The following TRAPPC9 variants were observed in gnomAD, a reference collection of about 807,000 sequenced individuals.
TRAPPC9 encodes the protein IKK2 binding protein.
In TRAPPC9, 83 loss-of-function variants were observed where a neutral mutation model predicts 124.0. The ratio of observed to expected loss-of-function variants is 0.67; its 90% CI spans 0.56 to 0.80. The LOEUF is 0.80. Among genes scored for constraint, TRAPPC9 ranks in the 30% least tolerant of loss-of-function variants. The pLI, the probability that TRAPPC9 is intolerant of heterozygous loss-of-function variation, is 0.00. For synonymous variants in TRAPPC9, 638 were observed against 617.5 expected, an observed-to-expected ratio of 1.03 and a Z score of -0.49; for missense variants, 1,302 against 1,508.3, an observed-to-expected ratio of 0.86 and a Z score of 2.27.
intron 21 of TRAPPC9, among the ~76,000 whole-genome samples, chr8:139,873,810 A>G (rs555924555): frequency 6.6e-6 from 1 of 152,326 alleles, no homozygotes; most frequent in East Asian, 1.9e-4. Flanking sequence ...TGGCTCAGAA[A>G]GATGTAGCCC....
intron 17 of TRAPPC9, among the ~76,000 whole-genome samples, chr8:140,066,401 T>C (rs1027484680): frequency 1.7e-4 from 26 of 152,178 alleles, no homozygotes; most frequent in Non-Finnish European, 2.5e-4. Flanking sequence ...GTGAGCTCCT[T>C]AAGAATGGCG....
intron 19 of TRAPPC9, among the ~76,000 whole-genome samples, chr8:139,988,206 G>A (rs1317727468): frequency 5.3e-5 from 8 of 149,774 alleles, no homozygotes; most frequent in African/African-American, 1.5e-4. Context: ...TCTGCTTCCC[G>A]GGTTCAAGCG....
intron 13 of TRAPPC9, 41 bp downstream of exon 13, chr8:140,287,567 C>G: frequency 6.2e-7 from 1 of 1,613,368 alleles, no homozygotes; most frequent in Non-Finnish European, 8.5e-7. Context: ...AAGGGTTCAG[C>G]AGACCCTCCT....
chr8:140,439,942 T>C (rs1191655048), intron 2 of TRAPPC9, among the ~76,000 whole-genome samples: 1 of 152,208 alleles, frequency 6.6e-6, no homozygotes, highest in African/African-American at 2.4e-5. Context: ...AAAACTCCTC[T>C]GGAAATCCAG....
At chr8:139,832,307 C>G (rs1276393188) in intron 21 of TRAPPC9, among the ~76,000 whole-genome samples, 1 of 152,264 alleles carries the variant, frequency 6.6e-6, no homozygotes, top group Non-Finnish European at 1.5e-5. Flanking sequence ...GACCACCCAG[C>G]TCAGAGACTG....
At chr8:140,062,881 G>A (rs1394900708) in intron 17 of TRAPPC9, among the ~76,000 whole-genome samples, 1 of 152,158 alleles carries the variant, frequency 6.6e-6, no homozygotes, top group Non-Finnish European at 1.5e-5. Flanking sequence ...GTAGCCAACT[G>A]TATGAGTCTG....
chr8:140,236,964 G>A (rs886899370), intron 16 of TRAPPC9, among the ~76,000 whole-genome samples: 9 of 152,022 alleles, frequency 5.9e-5, no homozygotes, highest in African/African-American at 9.7e-5. Flanking sequence ...GCGGATCACC[G>A]GAGGTCAGGA....
chr8:140,364,118 G>A (rs1310204612), intron 8 of TRAPPC9, among the ~76,000 whole-genome samples: 1 of 152,016 alleles, frequency 6.6e-6, no homozygotes, highest in African/African-American at 2.4e-5. Context: ...GAGTGTCCCC[G>A]AAGGAGGCAA....
chr8:140,151,366 G>T (rs1438560863), intron 17 of TRAPPC9, among the ~76,000 whole-genome samples: 2 of 152,174 alleles, frequency 1.3e-5, no homozygotes, highest in Admixed American at 6.5e-5. Flanking sequence ...AGACTGGGAG[G>T]GCTGCTGTGA....
At chr8:140,175,403 C>T (rs191265043) in intron 17 of TRAPPC9, among the ~76,000 whole-genome samples, 27 of 151,924 alleles carry the variant, frequency 1.8e-4, no homozygotes, top group African/African-American at 4.3e-4. Flanking sequence ...TCCTTTATTA[C>T]GCAATTAAGC....
At chr8:140,024,973 C>G (rs542822120) in intron 17 of TRAPPC9, among the ~76,000 whole-genome samples, 2 of 152,292 alleles carry the variant, frequency 1.3e-5, no homozygotes, top group Non-Finnish European at 2.9e-5. Context: ...CCAGGAGAGG[C>G]AGGGTGCTGC....
chr8:140,239,983 G>A (rs2063821155), intron 16 of TRAPPC9, among the ~76,000 whole-genome samples: 1 of 152,138 alleles, frequency 6.6e-6, no homozygotes, highest in Non-Finnish European at 1.5e-5. Flanking sequence ...GTACAATAAG[G>A]GGGGAAGGGG....
intron 19 of TRAPPC9, among the ~76,000 whole-genome samples, chr8:139,964,877 T>G (rs995234176): frequency 1.3e-5 from 2 of 152,160 alleles, no homozygotes; most frequent in African/African-American, 4.8e-5. Flanking sequence ...TTGAGAAGCT[T>G]ACGTGAAAGC....
intron 6 of TRAPPC9, 172 bp downstream of exon 6, chr8:140,405,405 A>C: frequency 1.5e-6 from 1 of 688,346 alleles, no homozygotes; most frequent in Non-Finnish European, 2.3e-6. Flanking sequence ...CACTGTTTTG[A>C]ATCAGAAAAA....
intron 7 of TRAPPC9, among the ~76,000 whole-genome samples, chr8:140,383,350 T>G (rs1322750732): frequency 6.6e-6 from 1 of 152,024 alleles, no homozygotes; most frequent in Non-Finnish European, 1.5e-5. Flanking sequence ...AGGCTTCAGA[T>G]GACCAAACTT....
At chr8:139,913,623 C>T (rs1404286235) in intron 19 of TRAPPC9, among the ~76,000 whole-genome samples, 1 of 152,226 alleles carries the variant, frequency 6.6e-6, no homozygotes, top group Non-Finnish European at 1.5e-5. Flanking sequence ...CGGCCAACTG[C>T]TTCCCACATT....
intron 21 of TRAPPC9, among the ~76,000 whole-genome samples, chr8:139,865,822 T>C (rs917115243): frequency 6.6e-6 from 1 of 152,260 alleles, no homozygotes; most frequent in Non-Finnish European, 1.5e-5. Flanking sequence ...TTTAAAGAGA[T>C]TGATTCTGAG....
At chr8:140,159,718 T>TCTGAAACAAGC in intron 17 of TRAPPC9, among the ~76,000 whole-genome samples, 1 of 152,310 alleles carries the variant, frequency 6.6e-6, no homozygotes, top group African/African-American at 2.4e-5. Flanking sequence ...CAATCCTATT[T>TCTGAAACAAGC]CTGAAACAGG....
chr8:139,894,368 G>C (rs1587124829), intron 20 of TRAPPC9, among the ~76,000 whole-genome samples: 1 of 150,766 alleles, frequency 6.6e-6, no homozygotes, highest in African/African-American at 2.5e-5. Flanking sequence ...GGGTGATCCT[G>C]GGGGGGTGCT....
Sources: gnomAD v4.1 joint callset for allele counts (sites outside exome capture counted in the v4.1 genomes callset) on GRCh38, gnomAD v4.1.1 for gene constraint, MANE v1.5 for transcripts, NCBI Gene and HGNC (gene_info 2026-07-23, HGNC 2026-07-21) for gene names.